The following PAPSS1 variants were observed in gnomAD, a reference collection of about 807,000 sequenced individuals.
PAPSS1 encodes the protein bifunctional 3'-phosphoadenosine 5'-phosphosulfate synthase 1.
PAPSS1 carries 50 observed loss-of-function variants against 72.0 expected under a neutral mutation model. The ratio of observed to expected loss-of-function variants is 0.69; its 90% CI spans 0.55 to 0.88. The LOEUF (loss-of-function observed/expected upper bound fraction) is 0.88, where lower values mean the gene tolerates loss of function less well. Ranked by LOEUF, PAPSS1 falls within the 40% of genes least tolerant of loss-of-function variation. PAPSS1 has a pLI of 0.00. For synonymous variants in PAPSS1, 261 were observed against 263.6 expected, an observed-to-expected ratio of 0.99 and a Z score of 0.09; for missense variants, 657 against 782.2, an observed-to-expected ratio of 0.84 and a Z score of 1.91.
chr4:107,667,550 C>T (rs1727352906), intron 5 of PAPSS1, among the ~76,000 whole-genome samples: 1 of 152,002 alleles, frequency 6.6e-6, no homozygotes, highest in African/African-American at 2.4e-5. Context: ...CTCCACATAG[C>T]TAGGGTCAAA....
intron 10 of PAPSS1, among the ~76,000 whole-genome samples, chr4:107,633,182 T>G (rs1385745967): frequency 1.3e-5 from 2 of 152,234 alleles, no homozygotes; most frequent in Admixed American, 6.5e-5. Flanking sequence ...ATTCGAGTAT[T>G]TAATGAGGTT....
chr4:107,668,082 T>C (rs975905078), intron 5 of PAPSS1, among the ~76,000 whole-genome samples: 9 of 152,312 alleles, frequency 5.9e-5, no homozygotes, highest in African/African-American at 1.9e-4. Context: ...AAAAGATTCA[T>C]ATTTCAGAAA....
intron 3 of PAPSS1, among the ~76,000 whole-genome samples, chr4:107,692,750 G>A (rs543201221): frequency 6.6e-6 from 1 of 151,298 alleles, no homozygotes; most frequent in Admixed American, 6.6e-5. Flanking sequence ...GCCCATCAAC[G>A]ATAGACTGGA....
At chr4:107,655,057 A>T (rs1382867288) in intron 7 of PAPSS1, among the ~76,000 whole-genome samples, 157 bp from the exon 8 acceptor site, 1 of 151,814 alleles carries the variant, frequency 6.6e-6, no homozygotes, top group African/African-American at 2.4e-5. Flanking sequence ...AAAACGAAAG[A>T]CAGAACAAGC....
intron 3 of PAPSS1, among the ~76,000 whole-genome samples, chr4:107,689,937 T>C (rs986511136): frequency 1.1e-4 from 16 of 152,230 alleles, no homozygotes; most frequent in African/African-American, 3.1e-4. Flanking sequence ...TGCTCTCCCA[T>C]AAAATCAGCA....
chr4:107,675,816 C>G (rs1213856622), intron 5 of PAPSS1, among the ~76,000 whole-genome samples: 1 of 152,190 alleles, frequency 6.6e-6, no homozygotes, highest in African/African-American at 2.4e-5. Flanking sequence ...TCCAGCAGCA[C>G]ATCAAAAAGC....
chr4:107,654,091 GCTATTAC>G (rs1253041097), intron 8 of PAPSS1, among the ~76,000 whole-genome samples: 1 of 152,078 alleles, frequency 6.6e-6, no homozygotes, highest in East Asian at 1.9e-4. Context: ...GAAAGGAGGA[GCTATTAC>G]CCTCCAGGAC....
chr4:107,659,169 G>T (rs1727099505), intron 6 of PAPSS1, among the ~76,000 whole-genome samples: 1 of 152,084 alleles, frequency 6.6e-6, no homozygotes, highest in Non-Finnish European at 1.5e-5. Context: ...GGCATGTCTT[G>T]GTTTCTGGTC....
chr4:107,630,613 A>C (rs900310441), intron 11 of PAPSS1, among the ~76,000 whole-genome samples: 2 of 152,218 alleles, frequency 1.3e-5, no homozygotes, highest in Admixed American at 1.3e-4. Context: ...AAAACGGATA[A>C]ATACAATGTT....
At chr4:107,712,871 C>T (rs1210838539) in intron 1 of PAPSS1, among the ~76,000 whole-genome samples, 2 of 64,492 alleles carry the variant, frequency 3.1e-5, no homozygotes, top group East Asian at 1.3e-3. Context: ...GACTCCGTCT[C>T]GGGAAAGAAA....
intron 1 of PAPSS1, among the ~76,000 whole-genome samples, chr4:107,708,273 G>T (rs1034957745): frequency 6.6e-6 from 1 of 152,016 alleles, no homozygotes; most frequent in Admixed American, 6.6e-5. Flanking sequence ...ACTTAAAAAA[G>T]AGGGCTTCAG....
At chr4:107,680,336 CAT>C (rs934363981) in intron 5 of PAPSS1, among the ~76,000 whole-genome samples, 1 of 151,384 alleles carries the variant, frequency 6.6e-6, no homozygotes, top group African/African-American at 2.4e-5. Flanking sequence ...AAAAAAATCA[CAT>C]AGAGGAACAA....
intron 11 of PAPSS1, among the ~76,000 whole-genome samples, chr4:107,623,410 A>G (rs1420329922): frequency 1.3e-5 from 2 of 152,198 alleles, no homozygotes; most frequent in African/African-American, 4.8e-5. Flanking sequence ...GTGCTGCTCT[A>G]GGAAGAGTTT....
At chr4:107,705,553 G>C (rs551113497) in intron 1 of PAPSS1, among the ~76,000 whole-genome samples, 66 of 152,314 alleles carry the variant, frequency 4.3e-4, no homozygotes, top group Admixed American at 7.2e-4. Flanking sequence ...CCTGGTCTTA[G>C]AGAGTTCTTT....
chr4:107,655,584 TGGGTTA>T (rs1164081326), intron 7 of PAPSS1, among the ~76,000 whole-genome samples: 4 of 152,236 alleles, frequency 2.6e-5, no homozygotes, highest in African/African-American at 9.6e-5. Context: ...TCATCATCTA[TGGGTTA>T]GAAAAATAAA....
chr4:107,657,100 T>C (rs1045148438), intron 6 of PAPSS1, 93 bp from the exon 7 acceptor site: 1 of 811,804 alleles, frequency 1.2e-6, no homozygotes, highest in Non-Finnish European at 2.2e-6. Flanking sequence ...TTGAAAGCAA[T>C]GGAAACAAAC....
chr4:107,658,762 G>A (rs1446383383), intron 6 of PAPSS1, among the ~76,000 whole-genome samples: 18 of 151,774 alleles, frequency 1.2e-4, no homozygotes. Flanking sequence ...TGTCTCTACT[G>A]GAATTCAATT....
At chr4:107,719,783 G>C (rs1560597140) in intron 1 of PAPSS1, 1 of 1,163,272 alleles carries the variant, frequency 8.6e-7, no homozygotes, top group African/African-American at 1.6e-5. Context: ...GCAGGTTTCA[G>C]CACCCGGAGG....
At chr4:107,672,527 C>A (rs1727514118) in intron 5 of PAPSS1, among the ~76,000 whole-genome samples, 1 of 152,148 alleles carries the variant, frequency 6.6e-6, no homozygotes, top group South Asian at 2.1e-4. Context: ...GGGAGGGGTG[C>A]CCACCACTGC....
Sources: gnomAD v4.1 joint callset for allele counts (sites outside exome capture counted in the v4.1 genomes callset) on GRCh38, gnomAD v4.1.1 for gene constraint, MANE v1.5 for transcripts, NCBI Gene and HGNC (gene_info 2026-07-23, HGNC 2026-07-21) for gene names.